Variants in VPS26B observed in about 807,000 individuals in gnomAD.
The protein encoded by VPS26B is vacuolar protein sorting-associated protein 26B.
VPS26B carries 10 observed loss-of-function variants against 33.3 expected under a neutral mutation model. That is an observed-to-expected ratio of 0.30 (90% confidence interval 0.19 to 0.51). VPS26B has a LOEUF of 0.51. Ranked by LOEUF, VPS26B falls within the 20% of genes least tolerant of loss-of-function variation. VPS26B has a pLI of 0.98. For synonymous variants in VPS26B, 190 were observed against 176.9 expected (o/e 1.07, Z -0.59); for missense variants, 317 against 452.7 (o/e 0.70, Z 2.72).
In VPS26B at chr11:134,246,070, G is replaced by A. The variant is rs1214896502; in HGVS notation, c.*480G>A. On this transcript the variant is annotated 3_prime_UTR_variant, in exon 6 of 6. Transcript: ENST00000281187. ...GGGCCAGCCCCCACTAAGTGGCAGG[G>A]GAAGACTCACGATTGGGAAGCTACC... The A allele has an allele frequency of 6.4e-6, 1 of 155,070 alleles. No individual in the cohort carries two copies. Among genetic ancestry groups the A allele is most frequent in the Non-Finnish European group, 1.4e-5 (1 of 69,894 alleles). 9.6% of individuals were successfully genotyped at this position (155,070 alleles called of 1,614,324 possible).
In VPS26B at chr11:134,243,167, G is replaced by A. The variant is rs751282386; in HGVS notation, c.594G>A (p.Val198=). The stretch of plus-strand genomic sequence containing the variant: ...TAGGGAAGATATACTTCCTGCTGGT[G>A]AGAATCAAAATCAAGCACATGGAGA... The part of the protein sequence containing the change: ...VIVGKIYFLL[V]RIKIKHMEID... The change falls in exon 4 of 6, where the codon GTG becomes GTA. Residue 198 remains valine (V), a synonymous_variant. Transcript: ENST00000281187. 1.9e-6 allele frequency: 3 copies of A among 1,614,174 alleles called. No individual in the cohort carries two copies. The South Asian group carries it at 3.3e-5, about 18-fold the overall frequency.
In VPS26B at chr11:134,235,225, G is replaced by A. The variant is rs1318817759; in HGVS notation, c.380+172G>A. The A allele has an allele frequency of 5.2e-6, 4 of 770,750 alleles. No individual in the cohort carries two copies. In the African/African-American group the frequency reaches 5.3e-5, roughly 10 times the overall value. The allele number at this position is 770,750 out of a possible 1,614,324, so 47.7% of individuals were successfully genotyped here. A position where few individuals can be genotyped will look rare whatever the true frequency, so the allele number is the denominator to read the frequency against. ...CCGTGGGCCTTCTAGGAGGAAAGTGGCCCTAGGTTGTAGCATGTGTCAATT... is the reference window on the plus strand; with the variant it reads ...CCGTGGGCCTTCTAGGAGGAAAGTGACCCTAGGTTGTAGCATGTGTCAATT... On this transcript the variant is annotated intron_variant, in intron 2 of 5. Transcript: ENST00000281187.
Position 134,246,418 on chromosome 11 carries a change from C to T in VPS26B, c.*828C>T, listed in dbSNP as rs1404402472. On this transcript the variant is annotated 3_prime_UTR_variant, in exon 6 of 6. Coordinates refer to ENST00000281187, the MANE Select transcript of VPS26B (RefSeq NM_052875.5). ...CTAGGTATTGCTTCACGTGCCCCAG[C>T]AAGCCCTTAACAAGAGGGCCTGGTT... 1 of 152,184 alleles carries T rather than the reference C, an allele frequency of 6.6e-6. No homozygotes were observed. Among genetic ancestry groups the T allele is most frequent in the Non-Finnish European group, 1.5e-5 (1 of 68,048 alleles). 9.4% of individuals were successfully genotyped at this position (152,184 alleles called of 1,614,324 possible).
At chr11:134,239,669 GA>G (rs1226088795) in intron 2 of VPS26B, 1 of 363,854 alleles carries the variant, frequency 2.7e-6, no homozygotes, top group Non-Finnish European at 5.2e-6. Context: ...AAAGGCCCAA[GA>G]ATAACATGTG....
At position 134,225,052 on chromosome 11, in the gene VPS26B, T is replaced by C; in HGVS notation, c.-71T>C. 1 of 1,451,704 alleles carries C rather than the reference T, an allele frequency of 6.9e-7. No individual in the cohort carries two copies. The highest frequency in any genetic ancestry group is 9.2e-7 in the Non-Finnish European group (1 of 1,085,334). 89.9% of individuals were successfully genotyped at this position (1,451,704 alleles called of 1,614,324 possible). ...CGCGCATCGGGCCCTCTGGCCTTCT[T>C]TACCTAGGGCAGCCCGCGCCCCGGT... On this transcript the variant is annotated 5_prime_UTR_variant, in exon 1 of 6. Coordinates refer to ENST00000281187, the MANE Select transcript of VPS26B (RefSeq NM_052875.5).
At position 134,245,396 on chromosome 11, in the gene VPS26B, C is replaced by G; in HGVS notation, c.865-48C>G. 6.2e-7 allele frequency: 1 copy of G among 1,606,898 alleles called. No homozygotes were observed. The highest frequency in any genetic ancestry group is 1.1e-5 in the South Asian group (1 of 90,846). ...TTGGGAGCCTCTAGGAAACCTGTCCCCATGCCTCCCTCTAAGGTGTCACAT... is the reference window on the plus strand; with the variant it reads ...TTGGGAGCCTCTAGGAAACCTGTCCGCATGCCTCCCTCTAAGGTGTCACAT... On this transcript the variant is annotated intron_variant, in intron 5 of 5. Coordinates refer to ENST00000281187, the MANE Select transcript of VPS26B (RefSeq NM_052875.5). The surrounding 1 kb of genome is among the most constrained non-coding windows in gnomAD (Gnocchi z 4.7).
intron 1 of VPS26B, among the ~76,000 whole-genome samples, chr11:134,231,622 T>C (rs905273381): frequency 1.3e-5 from 2 of 151,434 alleles, no homozygotes; most frequent in African/African-American, 4.9e-5. Flanking sequence ...TAGAGTGCAA[T>C]GGCACAATCT....
chr11:134,233,740 AAAG>A (rs1938592697), intron 1 of VPS26B, among the ~76,000 whole-genome samples: 1 of 150,998 alleles, frequency 6.6e-6, no homozygotes, highest in Non-Finnish European at 1.5e-5. Flanking sequence ...ACAAACAAAA[AAAG>A]CTCACTTGTG....
chr11:134,239,096 G>A (rs918094470), intron 2 of VPS26B, among the ~76,000 whole-genome samples: 1 of 152,034 alleles, frequency 6.6e-6, no homozygotes, highest in African/African-American at 2.4e-5. Flanking sequence ...CTGCACTGGC[G>A]GGCCACAGAG....
At chr11:134,227,993 G>T (rs1259055845) in intron 1 of VPS26B, among the ~76,000 whole-genome samples, 2 of 152,208 alleles carry the variant, frequency 1.3e-5, no homozygotes, top group African/African-American at 2.4e-5. Context: ...AGTCTCAGTT[G>T]GTGTTGTAGA....
intron 2 of VPS26B, among the ~76,000 whole-genome samples, chr11:134,238,655 GCT>G: frequency 6.6e-6 from 1 of 152,268 alleles, no homozygotes; most frequent in South Asian, 2.1e-4. Flanking sequence ...GAGTGCAGTG[GCT>G]TGATCTCGGC....
At position 134,244,289 on chromosome 11, in the gene VPS26B, G is replaced by A. The variant is rs1938776880; in HGVS notation, c.722-649G>A. ...CCACATTATAGGTTTGGCCTTTCTT[G>A]GTAGAATTACTGCCCTAATTTTGTT... On this transcript the variant is annotated intron_variant, in intron 4 of 5. Coordinates refer to ENST00000281187, the MANE Select transcript of VPS26B (RefSeq NM_052875.5). This position sits in a 1 kb window ranked among gnomAD's most constrained non-coding sequence, Gnocchi z 4.0. 1 of 152,196 alleles carries A rather than the reference G, an allele frequency of 6.6e-6. No homozygotes were observed. The allele number at this position is 152,196 out of a possible 1,614,324, so 9.4% of individuals were successfully genotyped here. A position where few individuals can be genotyped will look rare whatever the true frequency, so the allele number is the denominator to read the frequency against.
In VPS26B at chr11:134,244,321, A is replaced by C. The variant is rs1277613668; in HGVS notation, c.722-617A>C. The C allele has an allele frequency of 6.6e-6, 1 of 152,202 alleles. No homozygotes were observed. The highest frequency in any genetic ancestry group is 1.5e-5 in the Non-Finnish European group (1 of 68,064). The allele number at this position is 152,202 out of a possible 1,614,324, so 9.4% of individuals were successfully genotyped here. A position where few individuals can be genotyped will look rare whatever the true frequency, so the allele number is the denominator to read the frequency against. On this transcript the variant is annotated intron_variant, in intron 4 of 5. Transcript: ENST00000281187. This position sits in a 1 kb window ranked among gnomAD's most constrained non-coding sequence, Gnocchi z 4.0. Reference sequence around the variant, plus strand: ...TTACTGCCCTAATTTTGTTCCACTGATACTAGAAACGGTCTGATGTTAGAG... The same window carrying C: ...TTACTGCCCTAATTTTGTTCCACTGCTACTAGAAACGGTCTGATGTTAGAG...
At chr11:134,233,716 C>G (rs1938591710) in intron 1 of VPS26B, among the ~76,000 whole-genome samples, 1 of 130,836 alleles carries the variant, frequency 7.6e-6, no homozygotes, top group Non-Finnish European at 1.7e-5. Flanking sequence ...CAGAGCGAGA[C>G]TCTGTCTCAA....
chr11:134,228,167 C>T (rs531558060), intron 1 of VPS26B, among the ~76,000 whole-genome samples: 1 of 152,276 alleles, frequency 6.6e-6, no homozygotes, highest in South Asian at 2.1e-4. Flanking sequence ...TTAGAATAAC[C>T]TTTGTAGTTC....
At chr11:134,239,020 A>C (rs1478862650) in intron 2 of VPS26B, among the ~76,000 whole-genome samples, 1 of 152,214 alleles carries the variant, frequency 6.6e-6, no homozygotes, top group African/African-American at 2.4e-5. Flanking sequence ...ATGGAGAAGG[A>C]AATACAATTA....
At chr11:134,230,871 T>C (rs960980501) in intron 1 of VPS26B, among the ~76,000 whole-genome samples, 45 of 152,240 alleles carry the variant, frequency 3.0e-4, no homozygotes, top group Non-Finnish European at 5.4e-4. Context: ...CCTAGGATAC[T>C]TTTCCAGTGG....
intron 1 of VPS26B, among the ~76,000 whole-genome samples, chr11:134,226,519 T>G (rs1475156534): frequency 6.6e-6 from 1 of 152,198 alleles, no homozygotes; most frequent in African/African-American, 2.4e-5. Context: ...TAAGCCTTAT[T>G]TAGACTCTTG....
intron 1 of VPS26B, among the ~76,000 whole-genome samples, chr11:134,234,343 G>A (rs909291462): frequency 2.0e-5 from 3 of 152,168 alleles, no homozygotes; most frequent in Non-Finnish European, 4.4e-5. Flanking sequence ...GTCATGACCT[G>A]CATTATACCA....
Sources: allele counts gnomAD v4.1 joint callset (sites outside exome capture counted in the v4.1 genomes callset), GRCh38; gene constraint gnomAD v4.1.1; non-coding constraint Gnocchi (gnomAD v3.1); transcripts MANE v1.5; gene names NCBI Gene and HGNC (gene_info 2026-07-23, HGNC 2026-07-21).